Variants in PUDP observed in about 807,000 individuals in gnomAD.
The protein encoded by PUDP is pseudouridine 5'-phosphatase, also known as pseudouridine-5'-phosphatase.
Under a neutral mutation model 9.4 loss-of-function variants are expected in PUDP, and 8 were observed. The ratio of observed to expected loss-of-function variants is 0.85; its 90% CI spans 0.50 to 1.53. The LOEUF is 1.53. Ranked by LOEUF, PUDP falls within the 40% of genes most tolerant of loss-of-function variation. PUDP has a pLI of 0.00. For synonymous variants in PUDP, 99 were observed against 80.7 expected (o/e 1.23, Z -1.22); for missense variants, 188 against 189.7 (o/e 0.99, Z 0.05).
At chrX:6,962,364 C>T (rs1309646181) in intron 3 of PUDP, among the ~76,000 whole-genome samples, 2 of 112,397 alleles carry the variant, frequency 1.8e-5, no homozygotes, top group African/African-American at 6.5e-5. Flanking sequence ...ATAAATTTAA[C>T]AAGCTCACAA....
At chrX:6,726,171 C>A (rs1222625662), upstream of PUDP, among the ~76,000 whole-genome samples, 1 of 111,232 alleles carries the variant, frequency 9.0e-6, no homozygotes, top group Admixed American at 9.6e-5. Flanking sequence ...CACATTATAA[C>A]AACACTTAGG....
At chrX:7,135,464 TGAGA>T (rs1243585288) in intron 1 of PUDP, among the ~76,000 whole-genome samples, 64 of 112,219 alleles carry the variant, frequency 5.7e-4, no homozygotes, top group African/African-American at 2.0e-3. Flanking sequence ...TCCTGCACTA[TGAGA>T]GAGACGAGGA....
chrX:7,115,752 A>G (rs1463148002), intron 1 of PUDP, among the ~76,000 whole-genome samples: 3 of 112,627 alleles, frequency 2.7e-5, no homozygotes, highest in African/African-American at 9.7e-5. Flanking sequence ...CCTGGCACAC[A>G]GCACAGAGCC....
At chrX:6,906,019 C>T (rs1339296358) in intron 3 of PUDP, among the ~76,000 whole-genome samples, 1 of 111,996 alleles carries the variant, frequency 8.9e-6, no homozygotes, top group Non-Finnish European at 1.9e-5. Context: ...AAACTTGACG[C>T]ATTCTATGCC....
chrX:6,914,614 A>G (rs1927901444), intron 3 of PUDP, among the ~76,000 whole-genome samples: 1 of 112,168 alleles, frequency 8.9e-6, no homozygotes, highest in African/African-American at 3.2e-5. Context: ...GGCCGTCTAG[A>G]AATAGGCACG....
intron 3 of PUDP, among the ~76,000 whole-genome samples, chrX:6,802,582 T>C (rs186706692): frequency 5.4e-5 from 6 of 110,591 alleles, no homozygotes; most frequent in African/African-American, 1.6e-4. Context: ...GGGAAAATGG[T>C]AACATAACTA....
At chrX:6,910,913 A>G (rs6639704) in intron 3 of PUDP, among the ~76,000 whole-genome samples, 23,070 of 110,005 alleles carry the variant, frequency 0.21, 1,908 homozygotes, top group Admixed American at 0.36. Context: ...GTATCCTCAC[A>G]TGGTGGAAGG....
intron 3 of PUDP, among the ~76,000 whole-genome samples, chrX:7,060,375 A>C (rs1233307109): frequency 8.9e-6 from 1 of 112,152 alleles, no homozygotes; most frequent in Non-Finnish European, 1.9e-5. Flanking sequence ...TCAATTCTAA[A>C]TTGTCTAGTA....
intron 3 of PUDP, among the ~76,000 whole-genome samples, chrX:7,051,324 T>C (rs1260452573): frequency 4.5e-5 from 5 of 111,486 alleles, no homozygotes; most frequent in Non-Finnish European, 9.4e-5. Flanking sequence ...CTCTCACTTA[T>C]AAGTGGAATC....
chrX:6,732,715 A>T (rs1308765459), intron 3 of PUDP, among the ~76,000 whole-genome samples: 2 of 110,424 alleles, frequency 1.8e-5, no homozygotes, highest in African/African-American at 6.6e-5. Flanking sequence ...GTGAGGGAGT[A>T]ACTGTAAATA....
intron 3 of PUDP, among the ~76,000 whole-genome samples, chrX:6,930,494 G>A (rs886071990): frequency 9.0e-6 from 1 of 111,361 alleles, no homozygotes; most frequent in African/African-American, 3.3e-5. Context: ...CCTTGGCAAC[G>A]TCCTGCAGTT....
At chrX:6,862,366 C>G (rs1298020163) in intron 3 of PUDP, among the ~76,000 whole-genome samples, 1 of 112,164 alleles carries the variant, frequency 8.9e-6, no homozygotes, top group Non-Finnish European at 1.9e-5. Flanking sequence ...TGATGAATAC[C>G]ACCATCTCCT....
chrX:7,014,558 G>A lies in PUDP; in HGVS notation c.205-36215C>T, dbSNP rs937932122. On this transcript the variant is annotated intron_variant and NMD_transcript_variant, in intron 1 of 3. Transcript: ENST00000655425. ...ATGTAGCAGGATTTTAAAACGAATC[G>A]AATACTATCTCTCAGTCAATACAAT... Among the ~76,000 whole-genome samples, 4 of 111,194 alleles carry A rather than the reference G, an allele frequency of 3.6e-5. 1 individual carries two copies. Among genetic ancestry groups the A allele is most frequent in the East Asian group, 5.6e-4 (2 of 3,550 alleles).
At chrX:7,023,640 T>C (rs191341185) in intron 1 of PUDP, among the ~76,000 whole-genome samples, 1 of 112,264 alleles carries the variant, frequency 8.9e-6, no homozygotes, top group Non-Finnish European at 1.9e-5. Flanking sequence ...CTGAATTGTT[T>C]TGTACCTTTG....
At chrX:7,147,204 G>A (rs1477675605) in intron 1 of PUDP, among the ~76,000 whole-genome samples, 3 of 110,427 alleles carry the variant, frequency 2.7e-5, no homozygotes, top group Non-Finnish European at 3.8e-5. Context: ...ACGTTCACGC[G>A]CTTAAAATGC....
In PUDP at chrX:6,738,434, G is replaced by T. The variant is rs568492850; in HGVS notation, c.*248-31968C>A. Reference sequence around the variant, plus strand: ...TTAGAACCACCTGGGGAGGCTTAAAGAATCCTGTACCCCAGCTGAATCCCA... The same window carrying T: ...TTAGAACCACCTGGGGAGGCTTAAATAATCCTGTACCCCAGCTGAATCCCA... On this transcript the variant is annotated intron_variant and NMD_transcript_variant, in intron 3 of 3. Transcript: ENST00000655425. Among the ~76,000 whole-genome samples the T allele has an allele frequency of 2.4e-4, 27 of 111,720 alleles. No individual in the cohort carries two copies. The South Asian group carries it at 0.01, about 42-fold the overall frequency.
chrX:7,057,457 G>A, intron 3 of PUDP: 1 of 358,427 alleles, frequency 2.8e-6, no homozygotes, highest in Non-Finnish European at 4.8e-6. Flanking sequence ...AAACACAAGA[G>A]CAATGAATAA....
intron 3 of PUDP, among the ~76,000 whole-genome samples, chrX:6,937,065 T>A (rs1481013685): frequency 1.8e-4 from 19 of 106,040 alleles, no homozygotes. Context: ...CCCAAGGTAA[T>A]CTACAGATTC....
chrX:7,063,803 C>A (rs1481630743), intron 3 of PUDP, among the ~76,000 whole-genome samples: 1 of 110,973 alleles, frequency 9.0e-6, no homozygotes, highest in Admixed American at 9.6e-5. Flanking sequence ...CACCACCATG[C>A]CCGGCTAATT....
Sources: gnomAD v4.1 joint callset for allele counts (sites outside exome capture counted in the v4.1 genomes callset) on GRCh38, gnomAD v4.1.1 for gene constraint, MANE v1.5 for transcripts, NCBI Gene and HGNC (gene_info 2026-07-23, HGNC 2026-07-21) for gene names.